The following PDHX variants were observed in gnomAD, a reference collection of about 807,000 sequenced individuals.
PDHX encodes pyruvate dehydrogenase complex component X.
A neutral mutation model predicts 55.3 loss-of-function variants in PDHX; 33 were observed. The observed-to-expected ratio is 0.60, with a 90% CI of 0.45 to 0.80. PDHX has a LOEUF of 0.80. Ranked by LOEUF, PDHX falls within the 30% of genes least tolerant of loss-of-function variation. The pLI is 0.00. For synonymous variants in PDHX, 226 were observed against 219.4 expected (o/e 1.03, Z -0.27); for missense variants, 622 against 619.9 (o/e 1.00, Z -0.04).
intron 5 of PDHX, among the ~76,000 whole-genome samples, chr11:34,961,024 T>C (rs1855012537): frequency 6.6e-6 from 1 of 152,234 alleles, no homozygotes. Flanking sequence ...TACCACACTT[T>C]TAATTAGAAA....
chr11:34,917,063 A>T (rs896259585), intron 1 of PDHX, among the ~76,000 whole-genome samples: 6 of 151,494 alleles, frequency 4.0e-5, no homozygotes, highest in African/African-American at 4.9e-5. Context: ...CTTGCCTTGG[A>T]ATTTGGGTTA....
chr11:34,968,141 G>A (rs2133982092), intron 6 of PDHX, among the ~76,000 whole-genome samples: 1 of 151,876 alleles, frequency 6.6e-6, no homozygotes, highest in Non-Finnish European at 1.5e-5. Context: ...ATGTGGTAGT[G>A]TGTGCCTGTA....
chr11:34,928,438 TAA>T (rs1854076059), intron 1 of PDHX, among the ~76,000 whole-genome samples: 2 of 151,536 alleles, frequency 1.3e-5, no homozygotes, highest in South Asian at 4.2e-4. Flanking sequence ...ATTTAAAAGA[TAA>T]GAGTTTTTTT....
At chr11:34,931,511 G>A (rs1192431093) in intron 2 of PDHX, 27 bp downstream of exon 2, 14 of 1,259,022 alleles carry the variant, frequency 1.1e-5, no homozygotes, top group Non-Finnish European at 1.5e-5. Context: ...CTAATGTCCT[G>A]TGTGCTTTGT....
intron 2 of PDHX, among the ~76,000 whole-genome samples, chr11:34,937,198 T>G (rs1854350577): frequency 6.6e-6 from 1 of 152,230 alleles, no homozygotes; most frequent in South Asian, 2.1e-4. Context: ...TAAAGTAGCC[T>G]CCTTTTCCTG....
At chr11:34,993,781 C>T (rs1026069155) in intron 10 of PDHX, among the ~76,000 whole-genome samples, 3 of 152,028 alleles carry the variant, frequency 2.0e-5, no homozygotes, top group Admixed American at 1.3e-4. Flanking sequence ...ACACACACAC[C>T]CCTTGCTGGT....
intron 9 of PDHX, among the ~76,000 whole-genome samples, chr11:34,987,509 GTGTA>G (rs1328326489): frequency 6.6e-6 from 1 of 152,164 alleles, no homozygotes; most frequent in Non-Finnish European, 1.5e-5. Flanking sequence ...ATGTGTGTGT[GTGTA>G]TGTGTAAGAG....
At chr11:34,966,976 T>C (rs1855150053) in intron 6 of PDHX, among the ~76,000 whole-genome samples, 162 bp downstream of exon 6, 1 of 152,052 alleles carries the variant, frequency 6.6e-6, no homozygotes, top group African/African-American at 2.4e-5. Context: ...CTTAGCTTCC[T>C]GAGTAGCTGG....
intron 8 of PDHX, among the ~76,000 whole-genome samples, chr11:34,979,358 G>T (rs1190955344): frequency 6.6e-6 from 1 of 152,120 alleles, no homozygotes; most frequent in East Asian, 1.9e-4. Flanking sequence ...AACCTAGCTG[G>T]CTGGAGTTGT....
chr11:34,929,715 T>C (rs1467774328), intron 1 of PDHX, among the ~76,000 whole-genome samples: 1 of 152,232 alleles, frequency 6.6e-6, no homozygotes, highest in East Asian at 1.9e-4. Context: ...AGCATGAAGA[T>C]TCGCATCCTG....
rs1854268481 is a variant in PDHX at position 34,934,776 on chromosome 11, C to T, written c.241+3292C>T. ...TGTATTTTTTTAGAGACAGGGTCTCCCTGTGTTGCCCACGCTGGTTTTGAA... is the reference window on the plus strand; with the variant it reads ...TGTATTTTTTTAGAGACAGGGTCTCTCTGTGTTGCCCACGCTGGTTTTGAA... On this transcript the variant is annotated intron_variant, in intron 2 of 10. Transcript: ENST00000227868. 3.3e-5 allele frequency among the ~76,000 whole-genome samples: 5 copies of T among 151,632 alleles called. No homozygotes were observed. In the South Asian group the frequency reaches 1.0e-3, roughly 32 times the overall value.
chr11:34,956,076 A>G (rs1854900937), intron 3 of PDHX, among the ~76,000 whole-genome samples: 2 of 152,088 alleles, frequency 1.3e-5, no homozygotes, highest in African/African-American at 4.8e-5. Context: ...AGAAAAAGGA[A>G]CTCTGCAGAA....
intron 1 of PDHX, among the ~76,000 whole-genome samples, chr11:34,918,885 C>CT (rs1853807543): frequency 6.6e-6 from 1 of 152,188 alleles, no homozygotes; most frequent in African/African-American, 2.4e-5. Context: ...CTGGTTCAGT[C>CT]TTTATCACAT....
At chr11:34,985,792 G>A (rs1312355847) in intron 9 of PDHX, among the ~76,000 whole-genome samples, 1 of 152,182 alleles carries the variant, frequency 6.6e-6, no homozygotes, top group Non-Finnish European at 1.5e-5. Flanking sequence ...TCTTTGGGGA[G>A]CCGACAGTAC....
chr11:34,961,023 T>C (rs945897242), intron 5 of PDHX, among the ~76,000 whole-genome samples: 7 of 152,236 alleles, frequency 4.6e-5, no homozygotes, highest in African/African-American at 1.7e-4. Context: ...GTACCACACT[T>C]TTAATTAGAA....
intron 1 of PDHX, among the ~76,000 whole-genome samples, chr11:34,924,705 T>C (rs1853975922): frequency 6.6e-6 from 1 of 152,140 alleles, no homozygotes; most frequent in Admixed American, 6.5e-5. Context: ...AAATTAAATA[T>C]TTAAATAATA....
rs201706378 is a variant in PDHX, at chr11:34,966,677, A to C, written c.679A>C (p.Lys227Gln). The C allele has an allele frequency of 1.9e-5, 31 of 1,614,076 alleles. No individual in the cohort carries two copies. The East Asian group carries it at 6.7e-4, about 35-fold the overall frequency. ...LKLVQLKQTG[K>Q]ITESRPTPAP... ...ACTTGTCCAGTTGAAACAAACGGGC[A>C]AGATTACCGAGTCCAGACCAACTCC... Residue 227 changes from lysine (K) to glutamine (Q), a missense_variant, in exon 6 of 11, where the codon AAG becomes CAG. Lys to Gln is a moderately conservative substitution (Grantham distance 53). Transcript: ENST00000227868.
chr11:34,915,930 A>C, upstream of PDHX: 1 of 496,632 alleles, frequency 2.0e-6, no homozygotes. Flanking sequence ...CCTTCCTGAT[A>C]AATACCCGGT....
chr11:34,978,090 A>G (rs754054178), intron 7 of PDHX, 34 bp from the exon 8 acceptor site: 12 of 1,081,538 alleles, frequency 1.1e-5, no homozygotes, highest in Non-Finnish European at 1.6e-5. Context: ...TTATATTAGG[A>G]ATACTAATTT....
Sources: gnomAD v4.1 joint callset for allele counts (sites outside exome capture counted in the v4.1 genomes callset) on GRCh38, gnomAD v4.1.1 for gene constraint, MANE v1.5 for transcripts, NCBI Gene and HGNC (gene_info 2026-07-23, HGNC 2026-07-21) for gene names.